ASIC2: variants seen among roughly 807,000 people sequenced by gnomAD.
ASIC2 encodes acid sensing ion channel subunit 2, also known as acid-sensing ion channel 2.
In ASIC2, 25 loss-of-function variants were observed where a neutral mutation model predicts 57.3. The ratio of observed to expected loss-of-function variants is 0.44; its 90% CI spans 0.32 to 0.61. The LOEUF (loss-of-function observed/expected upper bound fraction) is 0.61, where lower values mean the gene tolerates loss of function less well. Ranked by LOEUF, ASIC2 falls within the 20% of genes least tolerant of loss-of-function variation. ASIC2 has a pLI of 0.06. For missense variants in ASIC2, 641 were observed against 738.1 expected (o/e 0.87, Z 1.52); for synonymous variants, 319 against 307.5 (o/e 1.04, Z -0.39).
chr17:33,182,632 C>CCT (rs1447323284), intron 1 of ASIC2, among the ~76,000 whole-genome samples: 1 of 152,016 alleles, frequency 6.6e-6, no homozygotes, highest in Non-Finnish European at 1.5e-5. Context: ...ATTCAAGAAG[C>CCT]CTCTCTCTCT....
At chr17:33,276,207 T>C (rs1904696487) in intron 1 of ASIC2, among the ~76,000 whole-genome samples, 3 of 148,244 alleles carry the variant, frequency 2.0e-5, no homozygotes, top group African/African-American at 7.4e-5. Flanking sequence ...TAAATGAAGC[T>C]GTCAATCACT....
At chr17:33,167,348 T>C (rs1439505197) in intron 1 of ASIC2, among the ~76,000 whole-genome samples, 1 of 152,216 alleles carries the variant, frequency 6.6e-6, no homozygotes, top group Non-Finnish European at 1.5e-5. Flanking sequence ...ACTTGCTAAG[T>C]CACAGAGGTC....
intron 1 of ASIC2, among the ~76,000 whole-genome samples, chr17:33,823,139 G>A (rs1361522940): frequency 6.6e-6 from 1 of 152,172 alleles, no homozygotes. Context: ...ACCCTGTTCA[G>A]TAGTGGGGGC....
At chr17:33,104,620 G>T (rs1275732195) in intron 2 of ASIC2, among the ~76,000 whole-genome samples, 1 of 152,218 alleles carries the variant, frequency 6.6e-6, no homozygotes, top group Non-Finnish European at 1.5e-5. Context: ...TCAGTATAAT[G>T]ATTCTGCTCC....
chr17:33,692,708 G>C (rs1222865085), intron 1 of ASIC2, among the ~76,000 whole-genome samples: 5 of 152,172 alleles, frequency 3.3e-5, no homozygotes, highest in Non-Finnish European at 7.3e-5. Flanking sequence ...GGGAATTACT[G>C]TATGCCCTAA....
At chr17:33,026,923 C>A (rs1281633786) in intron 4 of ASIC2, among the ~76,000 whole-genome samples, 2 of 152,104 alleles carry the variant, frequency 1.3e-5, no homozygotes, top group Admixed American at 1.3e-4. Context: ...TCCCTGTTTG[C>A]TCTGTTTTCT....
At chr17:33,661,199 C>G (rs1907252125) in intron 1 of ASIC2, among the ~76,000 whole-genome samples, 1 of 152,204 alleles carries the variant, frequency 6.6e-6, no homozygotes, top group Middle Eastern at 3.2e-3. Flanking sequence ...CACCAGCCTC[C>G]AAGAGCAAGC....
intron 1 of ASIC2, among the ~76,000 whole-genome samples, chr17:33,278,951 A>G (rs1044013975): frequency 6.6e-6 from 1 of 152,132 alleles, no homozygotes. Context: ...GCAATAAAAG[A>G]CCGAGAAAGG....
chr17:33,563,447 G>A (rs1029729436), intron 1 of ASIC2, among the ~76,000 whole-genome samples: 2 of 152,136 alleles, frequency 1.3e-5, no homozygotes, highest in South Asian at 2.1e-4. Flanking sequence ...TTGCATTTGA[G>A]GCATCTGTAA....
chr17:34,057,383 G>C (rs1377903980), intron 1 of ASIC2, among the ~76,000 whole-genome samples: 1 of 152,168 alleles, frequency 6.6e-6, no homozygotes, highest in African/African-American at 2.4e-5. Flanking sequence ...CTGAACATGG[G>C]ATGGAGCAAC....
chr17:33,188,001 C>T (rs1906270595), intron 1 of ASIC2, among the ~76,000 whole-genome samples: 2 of 150,946 alleles, frequency 1.3e-5, no homozygotes, highest in African/African-American at 2.4e-5. Context: ...CAGAAATAGA[C>T]ATCGAAATGA....
chr17:33,477,214 T>C (rs946557671), intron 1 of ASIC2, among the ~76,000 whole-genome samples: 4 of 152,216 alleles, frequency 2.6e-5, no homozygotes, highest in Non-Finnish European at 4.4e-5. Flanking sequence ...TATCTATCCA[T>C]GCAAAATATC....
At position 33,875,794 on chromosome 17, in the gene ASIC2, T is replaced by A. The variant is rs184369087; in HGVS notation, c.555+280184A>T. ...CAGGAAAATGCTTAACTGGATGGATTTTTTTTTTTTAAAGAACAATCTCCT... is the reference window on the plus strand; with the variant it reads ...CAGGAAAATGCTTAACTGGATGGATATTTTTTTTTTAAAGAACAATCTCCT... On this transcript the variant is annotated intron_variant, in intron 1 of 9. Transcript: ENST00000359872. Among the ~76,000 whole-genome samples, 69 of 148,506 alleles carry A rather than the reference T, an allele frequency of 4.6e-4. 2 individuals carry two copies. Among genetic ancestry groups the A allele is most frequent in the Admixed American group, 4.6e-3 (69 of 14,930 alleles).
chr17:34,030,169 T>G (rs993340089), intron 1 of ASIC2, among the ~76,000 whole-genome samples: 5 of 152,212 alleles, frequency 3.3e-5, no homozygotes, highest in African/African-American at 1.2e-4. Flanking sequence ...AGTGAATGTG[T>G]TGCATATAAG....
intron 3 of ASIC2, among the ~76,000 whole-genome samples, chr17:33,039,515 C>T (rs1164278452): frequency 6.6e-6 from 1 of 152,216 alleles, no homozygotes; most frequent in African/African-American, 2.4e-5. Context: ...CCTCTCTGAC[C>T]TTTCCTTCTG....
intron 3 of ASIC2, among the ~76,000 whole-genome samples, chr17:33,067,133 T>C (rs2092046831): frequency 8.0e-6 from 1 of 124,358 alleles, no homozygotes; most frequent in Non-Finnish European, 1.8e-5. Flanking sequence ...ATGGCCAAAA[T>C]AGAGTTCTTG....
At position 33,712,635 on chromosome 17, in the gene ASIC2, G is replaced by GTTTTTTTTT. The variant is rs1567695931; in HGVS notation, c.555+443342_555+443343insAAAAAAAAA. On this transcript the variant is annotated intron_variant, in intron 1 of 9. Transcript: ENST00000359872. ...CTTTGCTTCCAAGCTTACTCATATGGCTTTTTTTTTTTTTTTTTTTTTTTT... is the reference window on the plus strand; with the variant it reads ...CTTTGCTTCCAAGCTTACTCATATGGTTTTTTTTTCTTTTTTTTTTTTTTTTTTTTTTTT... Among the ~76,000 whole-genome samples the GTTTTTTTTT allele has an allele frequency of 2.7e-4, 33 of 123,318 alleles. 1 individual carries two copies. Among genetic ancestry groups the GTTTTTTTTT allele is most frequent in the African/African-American group, 9.1e-4 (28 of 30,910 alleles). 80.9% of individuals were successfully genotyped at this position (123,318 alleles called of 152,430 possible).
At chr17:34,108,586 C>T (rs1016885439) in intron 1 of ASIC2, among the ~76,000 whole-genome samples, 4 of 152,100 alleles carry the variant, frequency 2.6e-5, no homozygotes, top group Non-Finnish European at 5.9e-5. Context: ...ACTCCTCGTA[C>T]ATTTGAAAAC....
At chr17:33,955,593 C>G (rs992073089) in intron 1 of ASIC2, 2 of 152,014 alleles carry the variant, frequency 1.3e-5, no homozygotes, top group African/African-American at 4.8e-5. Flanking sequence ...GTATGCATTC[C>G]ACCACCCACC....
Sources: allele counts gnomAD v4.1 joint callset (sites outside exome capture counted in the v4.1 genomes callset), GRCh38; gene constraint gnomAD v4.1.1; transcripts MANE v1.5; gene names NCBI Gene and HGNC (gene_info 2026-07-23, HGNC 2026-07-21).